A2ML1: variants seen among roughly 807,000 people sequenced by gnomAD.
The protein encoded by A2ML1 is alpha-2-macroglobulin like 1.
In A2ML1, 161 loss-of-function variants were observed where a neutral mutation model predicts 181.9. The observed-to-expected ratio is 0.89, with a 90% CI of 0.78 to 1.01. The LOEUF is 1.01. Ranked by LOEUF, A2ML1 falls within the 50% of genes least tolerant of loss-of-function variation. The pLI is 0.00. For missense variants in A2ML1, 1,670 were observed against 1,768.1 expected (o/e 0.94, Z 1.00); for synonymous variants, 663 against 666.8 (o/e 0.99, Z 0.09).
intron 20 of A2ML1, among the ~76,000 whole-genome samples, chr12:8,853,285 C>G (rs1340575613): frequency 2.0e-5 from 3 of 152,206 alleles, no homozygotes; most frequent in Non-Finnish European, 4.4e-5. Context: ...AGTCACTGCA[C>G]CTTTAACTTG....
At position 8,852,040 on chromosome 12, in the gene A2ML1, T is replaced by A; in HGVS notation, c.2463+28T>A. The A allele has an allele frequency of 6.2e-7, 1 of 1,608,284 alleles. No homozygotes were observed. The highest frequency in any genetic ancestry group is 1.1e-5 in the South Asian group (1 of 90,924). On this transcript the variant is annotated intron_variant, in intron 19 of 35. Coordinates refer to ENST00000299698, the MANE Select transcript of A2ML1 (RefSeq NM_144670.6). This position sits in a 1 kb window ranked among gnomAD's most constrained non-coding sequence, Gnocchi z 4.2. ...GAGAGCTGGGGATACAGGAATCAGG[T>A]GTCAGCCCTGGAATCACACCTCCCC...
chr12:8,824,693 T>G, intron 3 of A2ML1, among the ~76,000 whole-genome samples: 1 of 151,278 alleles, frequency 6.6e-6, no homozygotes. Context: ...GTAACCATCA[T>G]TCTGTTCTCT....
chr12:8,874,282 C>T (rs888890904), intron 33 of A2ML1, 143 bp from the exon 34 acceptor site: 5 of 555,646 alleles, frequency 9.0e-6, no homozygotes, highest in South Asian at 2.0e-5. Context: ...TCCCAAAGTG[C>T]TGGGATTAGA....
At chr12:8,834,717 G>C in intron 5 of A2ML1, 35 bp downstream of exon 5, 1 of 1,613,160 alleles carries the variant, frequency 6.2e-7, no homozygotes, top group Non-Finnish European at 8.5e-7. Flanking sequence ...TCTGTCAGTT[G>C]TGGAAGAGGA....
At position 8,849,619 on chromosome 12, in the gene A2ML1, G is replaced by A. The variant is rs757979654; in HGVS notation, c.2029-50G>A. The A allele has an allele frequency of 4.7e-5, 67 of 1,436,324 alleles. No homozygotes were observed. In the South Asian group the frequency reaches 4.8e-4, roughly 10 times the overall value. The allele number at this position is 1,436,324 out of a possible 1,614,324, so 89.0% of individuals were successfully genotyped here. ...GTGGAATTCCTGGGCAGTAGCCCTTGTAGTTGGGGAAGGGACCACCTTAAT... is the reference window on the plus strand; with the variant it reads ...GTGGAATTCCTGGGCAGTAGCCCTTATAGTTGGGGAAGGGACCACCTTAAT... On this transcript the variant is annotated intron_variant, in intron 16 of 35. Transcript: ENST00000299698.
rs375033681 is a variant in A2ML1 at position 8,854,162 on chromosome 12, G to A, written c.2625G>A (p.Leu875=). 1 of 1,604,952 alleles carries A rather than the reference G, an allele frequency of 6.2e-7. No individual in the cohort carries two copies. The highest frequency in any genetic ancestry group is 1.1e-5 in the South Asian group (1 of 88,348). ...HINFTISTKI[L]DSNEPCGGQK... ...ACTTTACTATTAGTACAAAGATTCT[G>A]GACAGCAATGAACCATGTGGGGGCC... Residue 875 remains leucine (L), a synonymous_variant, in exon 21 of 36, where the codon CTG becomes CTA. Transcript: ENST00000299698.
chr12:8,867,431 T>A (rs1193564778), intron 29 of A2ML1, among the ~76,000 whole-genome samples: 1 of 152,182 alleles, frequency 6.6e-6, no homozygotes, highest in Admixed American at 6.5e-5. Context: ...CCGGACCACC[T>A]GAGGTTGGGA....
Position 8,868,063 on chromosome 12 carries a change from T to C in A2ML1, c.3933+6T>C. On this transcript the variant is annotated splice_donor_region_variant and intron_variant, in intron 30 of 35. Transcript: ENST00000299698. The stretch of plus-strand genomic sequence containing the variant: ...AGGGCTGTGTCTATGTGCAGGTAAG[T>C]AGAGATCCATGAGAATGAGCGGACA... 1 of 1,613,086 alleles carries C rather than the reference T, an allele frequency of 6.2e-7. No individual in the cohort carries two copies. The highest frequency in any genetic ancestry group is 8.5e-7 in the Non-Finnish European group (1 of 1,179,040).
chr12:8,852,512 A>G lies in A2ML1; in HGVS notation c.2590+176A>G, dbSNP rs1268432765. 6.6e-6 allele frequency among the ~76,000 whole-genome samples: 1 copy of G among 152,174 alleles called. No individual in the cohort carries two copies. Among genetic ancestry groups the G allele is most frequent in the South Asian group, 2.1e-4 (1 of 4,828 alleles). On this transcript the variant is annotated intron_variant, in intron 20 of 35. Coordinates refer to ENST00000299698, the MANE Select transcript of A2ML1 (RefSeq NM_144670.6). This position sits in a 1 kb window ranked among gnomAD's most constrained non-coding sequence, Gnocchi z 4.2. ...ACAAACACTCTTTGATAGGTGACCA[A>G]ACAAATTTGTTCAAACCGGAATATT...
chr12:8,867,964 A>G lies in A2ML1; in HGVS notation c.3840A>G (p.Ser1280=). The G allele has an allele frequency of 6.2e-7, 1 of 1,614,264 alleles. No homozygotes were observed. Among genetic ancestry groups the G allele is most frequent in the Non-Finnish European group, 8.5e-7 (1 of 1,180,038 alleles). Reference sequence around the variant, plus strand: ...TCCAGCGCACATTCAACATACAGTCAGTTAACAGATTGGTATTTCAGCAGG... The same window carrying G: ...TCCAGCGCACATTCAACATACAGTCGGTTAACAGATTGGTATTTCAGCAGG... ...ENFQRTFNIQ[S]VNRLVFQQDT... The change falls in exon 30 of 36, where the codon TCA becomes TCG. Residue 1280 remains serine (S), a synonymous_variant. Coordinates refer to ENST00000299698, the MANE Select transcript of A2ML1 (RefSeq NM_144670.6).
chr12:8,878,582 C>G (rs1481894696), downstream of A2ML1, among the ~76,000 whole-genome samples: 3 of 152,180 alleles, frequency 2.0e-5, no homozygotes, highest in Non-Finnish European at 1.5e-5. The surrounding 1 kb of genome is among the most constrained non-coding windows in gnomAD (Gnocchi z 4.4). Context: ...ATCACTAACT[C>G]AAACCACAGC....
intron 7 of A2ML1, among the ~76,000 whole-genome samples, chr12:8,882,273 C>A (rs1275007941): frequency 6.6e-6 from 1 of 152,122 alleles, no homozygotes; most frequent in East Asian, 1.9e-4. Context: ...CAGGATCTCA[C>A]CAATATTTCT....
In A2ML1 at chr12:8,823,883, G is replaced by A. The variant is rs1454374124; in HGVS notation, c.409+1G>A. The A allele has an allele frequency of 3.7e-6, 6 of 1,609,100 alleles. No individual in the cohort carries two copies. The Admixed American group carries it at 6.7e-5, about 18-fold the overall frequency. On this transcript the variant is annotated splice_donor_variant, in intron 3 of 35. Transcript: ENST00000299698. LOFTEE classifies it high-confidence loss of function. ...CCTCTCTACACCCCAGGGCAGCAAG[G>A]TAAGAGTCACATATTTGGGGTTCGA...
chr12:8,834,723 G>A, intron 5 of A2ML1, 41 bp downstream of exon 5: 1 of 1,612,498 alleles, frequency 6.2e-7, no homozygotes, highest in Non-Finnish European at 8.5e-7. Context: ...AGTTGTGGAA[G>A]AGGAAGAATG....
At chr12:8,824,217 C>A in intron 3 of A2ML1, among the ~76,000 whole-genome samples, 1 of 129,270 alleles carries the variant, frequency 7.7e-6, no homozygotes, top group African/African-American at 3.0e-5. Context: ...GCTTGAGCTA[C>A]TGGGGTTTTT....
Position 8,857,598 on chromosome 12 carries a change from C to T in A2ML1, c.3107+10C>T, listed in dbSNP as rs1421677760. ...GAAATGGAAACACATGGTAATATCA[C>T]CCAATTCCCAATGAGTTCTGTACTC... On this transcript the variant is annotated intron_variant, in intron 25 of 35. Transcript: ENST00000299698. 5.0e-6 allele frequency: 8 copies of T among 1,606,182 alleles called. No homozygotes were observed. Among genetic ancestry groups the T allele is most frequent in the Admixed American group, 1.7e-5 (1 of 58,936 alleles).
At chr12:8,867,033 A>G (rs926115392) in intron 29 of A2ML1, among the ~76,000 whole-genome samples, 2 of 152,192 alleles carry the variant, frequency 1.3e-5, no homozygotes, top group African/African-American at 4.8e-5. Flanking sequence ...CAGAGAAATA[A>G]AAGATTGTCA....
intron 20 of A2ML1, 36 bp from the exon 21 acceptor site, chr12:8,854,092 A>G: frequency 6.6e-7 from 1 of 1,520,218 alleles, no homozygotes; most frequent in South Asian, 1.4e-5. Context: ...TACCTCTGGC[A>G]ATAGGGCTAA....
At chr12:8,840,294 G>T (rs12823160) in intron 10 of A2ML1, among the ~76,000 whole-genome samples, 1 of 151,674 alleles carries the variant, frequency 6.6e-6, no homozygotes, top group African/African-American at 2.4e-5. Context: ...CAGGAGGCAG[G>T]GGGTGCAGTG....
Sources: allele counts gnomAD v4.1 joint callset (sites outside exome capture counted in the v4.1 genomes callset), GRCh38; gene constraint gnomAD v4.1.1; non-coding constraint Gnocchi (gnomAD v3.1); transcripts MANE v1.5; gene names NCBI Gene and HGNC (gene_info 2026-07-23, HGNC 2026-07-21).